SPINK5: variants seen among roughly 807,000 people sequenced by gnomAD.
SPINK5 encodes the protein serine peptidase inhibitor Kazal type 5.
A neutral mutation model predicts 151.8 loss-of-function variants in SPINK5; 125 were observed. That is an observed-to-expected ratio of 0.82 (90% CI 0.71 to 0.96). The LOEUF is 0.96. Ranked by LOEUF, SPINK5 falls within the 40% of genes least tolerant of loss-of-function variation. The pLI is 0.00. For synonymous variants in SPINK5, 374 were observed against 395.3 expected (o/e 0.95, Z 0.64); for missense variants, 1,194 against 1,291.9 (o/e 0.92, Z 1.16).
rs774183421 is a variant in SPINK5, at chr5:148,137,069, A to G, written c.*78A>G. ...ACCTACCTTCACCATCTGTATATAC[A>G]AAGAATTCTTCGGAGCTTGTCTTAT... On this transcript the variant is annotated 3_prime_UTR_variant, in exon 33 of 33. Transcript: ENST00000256084. The G allele has an allele frequency of 1.5e-4, 241 of 1,569,426 alleles. No homozygotes were observed. Among genetic ancestry groups the G allele is most frequent in the Admixed American group, 5.0e-4 (30 of 59,802 alleles).
chr5:148,131,692 G>A (rs1437974688), intron 31 of SPINK5, among the ~76,000 whole-genome samples: 1 of 152,168 alleles, frequency 6.6e-6, no homozygotes, highest in Non-Finnish European at 1.5e-5. Flanking sequence ...ACAGTCATGG[G>A]AGTGTGAACA....
At chr5:148,065,103 A>G (rs937720308) in intron 1 of SPINK5, among the ~76,000 whole-genome samples, 3 of 152,122 alleles carry the variant, frequency 2.0e-5, no homozygotes, top group African/African-American at 7.2e-5. Flanking sequence ...TCACATGAGT[A>G]TTATTTTCCA....
intron 4 of SPINK5, among the ~76,000 whole-genome samples, chr5:148,083,732 T>C (rs1561679208): frequency 6.6e-6 from 1 of 151,600 alleles, no homozygotes; most frequent in Non-Finnish European, 1.5e-5. Flanking sequence ...TTTTTGTTAA[T>C]TATAGAAATT....
At chr5:148,112,986 T>C (rs746028468) in intron 20 of SPINK5, 52 bp downstream of exon 20, 6 of 1,606,658 alleles carry the variant, frequency 3.7e-6, no homozygotes, top group Admixed American at 1.7e-5. Flanking sequence ...TTTTGCAGTA[T>C]CTCTGTAAAA....
In SPINK5 at chr5:148,064,060, G is replaced by C; in HGVS notation, c.16G>C (p.Val6Leu). The stretch of plus-strand genomic sequence containing the variant: ...CGTCTTCAACATGAAGATAGCCACA[G>C]TGTCAGTGCTTCTGCCCTTGGCTCT... MKIAT[V>L]SVLLPLALCL... is the part of the protein sequence containing the mutation. The change falls in exon 1 of 33, where the codon GTG becomes CTG. Residue 6 changes from valine to leucine, a missense_variant. By Grantham distance (32) the Val-to-Leu change is conservative. Transcript: ENST00000256084. The C allele has an allele frequency of 6.2e-7, 1 of 1,614,184 alleles. No individual in the cohort carries two copies. Among genetic ancestry groups the C allele is most frequent in the Non-Finnish European group, 8.5e-7 (1 of 1,180,032 alleles).
chr5:148,080,421 CA>C (rs1178830317), intron 4 of SPINK5, among the ~76,000 whole-genome samples: 1 of 151,204 alleles, frequency 6.6e-6, no homozygotes, highest in East Asian at 1.9e-4. Flanking sequence ...AATATTGAGA[CA>C]TTTAACAGTA....
chr5:148,098,063 T>C, intron 11 of SPINK5, 69 bp downstream of exon 11: 1 of 1,454,818 alleles, frequency 6.9e-7, no homozygotes, highest in Non-Finnish European at 9.6e-7. Context: ...AAACAGCTTC[T>C]TTCATAGATG....
intron 12 of SPINK5, among the ~76,000 whole-genome samples, chr5:148,100,166 TTGTACCC>T (rs1426814615): frequency 6.6e-6 from 1 of 152,192 alleles, no homozygotes; most frequent in African/African-American, 2.4e-5. Context: ...TCAGATTTTA[TTGTACCC>T]TGTATGTTCG....
intron 8 of SPINK5, among the ~76,000 whole-genome samples, chr5:148,092,809 G>A (rs1001570416): frequency 2.6e-5 from 4 of 151,840 alleles, no homozygotes; most frequent in African/African-American, 7.3e-5. Context: ...CACATCCATT[G>A]CTCCTCCAAA....
At chr5:148,076,451 T>C (rs111731383) in intron 4 of SPINK5, among the ~76,000 whole-genome samples, 5,037 of 151,880 alleles carry the variant, frequency 0.033, 302 homozygotes, top group African/African-American at 0.11. Flanking sequence ...CCTGAGTACC[T>C]ATATTATCTA....
At chr5:148,112,503 C>T (rs111890148) in intron 19 of SPINK5, among the ~76,000 whole-genome samples, 23,202 of 151,834 alleles carry the variant, frequency 0.15, 2,433 homozygotes, top group East Asian at 0.32. Context: ...TGAAACCCCA[C>T]CTTTACTAAA....
chr5:148,097,924 G>A lies in SPINK5; in HGVS notation c.940G>A (p.Glu314Lys). 1.9e-6 allele frequency: 3 copies of A among 1,612,402 alleles called. No homozygotes were observed. Among genetic ancestry groups the A allele is most frequent in the Non-Finnish European group, 2.5e-6 (3 of 1,178,848 alleles). ...AKNGILFCTR[E>K]NDPIRGPDGK... ...GAATGGAATACTTTTCTGTACCAGA[G>A]AAAATGACCCTATTCGTGGTCCAGA... Residue 314 changes from glutamate to lysine, a missense_variant, in exon 11 of 33, where the codon GAA becomes AAA. Glu to Lys is a moderately conservative substitution (Grantham distance 56, BLOSUM62 1). Transcript: ENST00000256084.
At chr5:148,136,867 T>G in intron 32 of SPINK5, 116 bp from the exon 33 acceptor site, 1 of 1,342,786 alleles carries the variant, frequency 7.4e-7, no homozygotes, top group South Asian at 1.2e-5. Context: ...TGCTACTTCT[T>G]TGCAGAATGC....
intron 26 of SPINK5, among the ~76,000 whole-genome samples, chr5:148,123,521 G>GTGTGTGTGTGTATATATATATATATA: frequency 4.0e-5 from 1 of 25,014 alleles, no homozygotes; most frequent in African/African-American, 7.9e-5. Context: ...CAATATATGT[G>GTGTGTGTGTGTATATATATATATATA]TATATATATA....
Position 148,120,079 on chromosome 5 carries a change from T to C in SPINK5, c.2384T>C (p.Val795Ala). The C allele has an allele frequency of 6.2e-7, 1 of 1,614,058 alleles. No individual in the cohort carries two copies. Among genetic ancestry groups the C allele is most frequent in the Admixed American group, 1.7e-5 (1 of 60,022 alleles). Residue 795 changes from valine (V) to alanine (A), a missense_variant, in exon 25 of 33, where the codon GTC becomes GCC. Transcript: ENST00000256084. ...ATCTGCACTCGAGAAAGTGACCCTG[T>C]CCGGGGTCCAGATGGCAAGACACAT... ...KLICTRESDP[V>A]RGPDGKTHGN... is the part of the protein sequence containing the mutation.
intron 3 of SPINK5, among the ~76,000 whole-genome samples, chr5:148,071,354 C>T (rs777237695): frequency 6.6e-6 from 1 of 152,044 alleles, no homozygotes; most frequent in Non-Finnish European, 1.5e-5. Context: ...TGATCATGCA[C>T]TGCTTCTAGT....
chr5:148,085,368 A>G (rs912902797), intron 4 of SPINK5, among the ~76,000 whole-genome samples: 1 of 151,950 alleles, frequency 6.6e-6, no homozygotes, highest in African/African-American at 2.4e-5. Flanking sequence ...GTATTTTGCA[A>G]TGTGATATTC....
intron 32 of SPINK5, among the ~76,000 whole-genome samples, chr5:148,135,221 A>T (rs1326350523): frequency 3.9e-5 from 6 of 152,256 alleles, no homozygotes; most frequent in South Asian, 2.1e-4. Context: ...AATTCTTAGT[A>T]GTTGGCTCCC....
Position 148,113,038 on chromosome 5 carries a change from G to A in SPINK5, c.1887+104G>A, listed in dbSNP as rs77539681. 3,788 of 1,547,282 alleles carry A rather than the reference G, an allele frequency of 2.4e-3. 98 individuals carry two copies. In the African/African-American group the frequency reaches 0.045, roughly 18 times the overall value. Reference sequence around the variant, plus strand: ...TGAAACCCCAGTTGTGAGGGAACTAGGGGTTCATTTAGTCCAGGGGTTGAG... The same window carrying A: ...TGAAACCCCAGTTGTGAGGGAACTAAGGGTTCATTTAGTCCAGGGGTTGAG... On this transcript the variant is annotated intron_variant, in intron 20 of 32. Coordinates refer to ENST00000256084, the MANE Select transcript of SPINK5 (RefSeq NM_006846.4).
Sources: allele counts gnomAD v4.1 joint callset (sites outside exome capture counted in the v4.1 genomes callset), GRCh38; gene constraint gnomAD v4.1.1; transcripts MANE v1.5; gene names NCBI Gene and HGNC (gene_info 2026-07-23, HGNC 2026-07-21).